PALLD: variants seen among roughly 807,000 people sequenced by gnomAD.
The protein encoded by PALLD is palladin, cytoskeletal associated protein.
A neutral mutation model predicts 123.5 loss-of-function variants in PALLD; 61 were observed. The ratio of observed to expected loss-of-function variants is 0.49; its 90% confidence interval spans 0.40 to 0.61. PALLD has a LOEUF of 0.61. PALLD is among the 20% of genes least tolerant of loss of function. The probability of loss-of-function intolerance (pLI) is 0.00; values close to 1 mark genes in which losing one functional copy is unlikely to be tolerated. For missense variants in PALLD, 1,273 were observed against 1,377.0 expected (o/e 0.92, Z 1.20); for synonymous variants, 465 against 496.4 (o/e 0.94, Z 0.84).
chr4:168,541,663 G>T (rs1729043896), intron 2 of PALLD, among the ~76,000 whole-genome samples: 1 of 151,976 alleles, frequency 6.6e-6, no homozygotes. Flanking sequence ...ATGTTGGCCA[G>T]GCTAGTCGCA....
At chr4:168,537,345 C>T (rs1342955216) in intron 2 of PALLD, among the ~76,000 whole-genome samples, 1 of 152,160 alleles carries the variant, frequency 6.6e-6, no homozygotes, top group Non-Finnish European at 1.5e-5. Context: ...CTTTTGGTTA[C>T]ACAAACATAC....
intron 10 of PALLD, among the ~76,000 whole-genome samples, chr4:168,875,731 G>T (rs1323659401): frequency 6.6e-6 from 1 of 152,206 alleles, no homozygotes; most frequent in Non-Finnish European, 1.5e-5. Flanking sequence ...GCCCACTTGG[G>T]TTAGCAAACA....
At chr4:168,594,639 T>C (rs141830190) in intron 2 of PALLD, among the ~76,000 whole-genome samples, 1 of 152,242 alleles carries the variant, frequency 6.6e-6, no homozygotes, top group African/African-American at 2.4e-5. Context: ...GGTGCCCAAT[T>C]GGGATATATT....
chr4:168,760,387 C>T (rs1042377104), intron 10 of PALLD, among the ~76,000 whole-genome samples: 7 of 152,212 alleles, frequency 4.6e-5, no homozygotes, highest in South Asian at 2.1e-4. Flanking sequence ...CTTTTGGCTC[C>T]GGGCTCGGTG....
At chr4:168,624,398 C>T (rs1385384448) in intron 2 of PALLD, among the ~76,000 whole-genome samples, 1 of 151,964 alleles carries the variant, frequency 6.6e-6, no homozygotes, top group Admixed American at 6.6e-5. Flanking sequence ...ACCTGATCCA[C>T]CCCCCGCAAA....
intron 2 of PALLD, among the ~76,000 whole-genome samples, chr4:168,548,345 G>GAA (rs5863941): frequency 2.8e-5 from 4 of 141,472 alleles, no homozygotes; most frequent in Non-Finnish European, 4.7e-5. Context: ...TCTAACTCAG[G>GAA]AAAAAAAAAA....
chr4:168,649,213 G>T (rs1033879246), intron 2 of PALLD, among the ~76,000 whole-genome samples: 2 of 152,188 alleles, frequency 1.3e-5, no homozygotes, highest in Non-Finnish European at 2.9e-5. Flanking sequence ...CCTCCTATCT[G>T]CAGCAAGATG....
chr4:168,864,579 GT>G (rs1749993042), intron 10 of PALLD: 1 of 152,074 alleles, frequency 6.6e-6, no homozygotes, highest in Non-Finnish European at 1.5e-5. Flanking sequence ...TTTTTCCGTT[GT>G]TTAAATCTTA....
intron 10 of PALLD, among the ~76,000 whole-genome samples, chr4:168,758,331 A>G (rs1157659095): frequency 6.6e-6 from 1 of 152,180 alleles, no homozygotes; most frequent in Admixed American, 6.5e-5. Flanking sequence ...TGCTACCAGA[A>G]TGCTTTTCCC....
intron 2 of PALLD, among the ~76,000 whole-genome samples, chr4:168,548,973 A>G (rs1766451896): frequency 6.6e-6 from 1 of 152,092 alleles, no homozygotes; most frequent in Admixed American, 6.5e-5. Flanking sequence ...GTGAGCCATG[A>G]CTGTGCCACT....
chr4:168,867,497 T>C (rs546635825), intron 10 of PALLD, among the ~76,000 whole-genome samples: 1 of 152,324 alleles, frequency 6.6e-6, no homozygotes, highest in East Asian at 1.9e-4. Context: ...ATACTTTTTA[T>C]ATGCACATAG....
At chr4:168,582,820 T>A (rs150323442) in intron 2 of PALLD, among the ~76,000 whole-genome samples, 295 of 152,274 alleles carry the variant, frequency 1.9e-3, no homozygotes, top group African/African-American at 6.6e-3. Flanking sequence ...ATGAATTTGG[T>A]TTGCTGGTAT....
rs768895830 is a variant in PALLD at position 168,898,450 on chromosome 4, C to G, written c.2251-43C>G. On this transcript the variant is annotated intron_variant, in intron 13 of 21. Transcript: ENST00000505667. ...GGCAGGGAGAGACGTGACACTTTGT[C>G]AGAAGGGATTGAGTCTGCTAACTTA... 42 of 1,266,488 alleles carry G rather than the reference C, an allele frequency of 3.3e-5. No homozygotes were observed. In the Admixed American group the frequency reaches 7.1e-4, roughly 21 times the overall value. The allele number at this position is 1,266,488 out of a possible 1,614,324, so 78.5% of individuals were successfully genotyped here. A position where few individuals can be genotyped will look rare whatever the true frequency, so the allele number is the denominator to read the frequency against.
intron 10 of PALLD, among the ~76,000 whole-genome samples, chr4:168,741,605 G>T (rs1399424262): frequency 6.6e-6 from 1 of 152,124 alleles, no homozygotes; most frequent in African/African-American, 2.4e-5. Context: ...GATCACTTGA[G>T]TCCAGGAATT....
chr4:168,834,042 C>T (rs1197490426), intron 10 of PALLD, among the ~76,000 whole-genome samples: 1 of 150,542 alleles, frequency 6.6e-6, no homozygotes, highest in Non-Finnish European at 1.5e-5. Context: ...GATTCTTGTA[C>T]TTTGTCATTA....
rs934538776 is a variant in PALLD, at chr4:168,844,450, A to G, written c.1965-46472A>G. 2.6e-5 allele frequency: 4 copies of G among 152,244 alleles called. No homozygotes were observed. The highest frequency in any genetic ancestry group is 4.4e-5 in the Non-Finnish European group (3 of 68,042). 9.4% of individuals were successfully genotyped at this position (152,244 alleles called of 1,614,324 possible). A position where few individuals can be genotyped will look rare whatever the true frequency, so the allele number is the denominator to read the frequency against. On this transcript the variant is annotated intron_variant, in intron 10 of 21. Coordinates refer to ENST00000505667, the MANE Select transcript of PALLD (RefSeq NM_001166108.2). This position sits in a 1 kb window ranked among gnomAD's most constrained non-coding sequence, Gnocchi z 4.5. ...AGAAGAGAGAAGTGGGGAACCCCAC[A>G]AGCCTTGAGAATTTCAAGAATTTGT...
intron 10 of PALLD, among the ~76,000 whole-genome samples, chr4:168,791,914 A>G (rs1013261356): frequency 6.6e-6 from 1 of 152,140 alleles, no homozygotes; most frequent in South Asian, 2.1e-4. Flanking sequence ...AAAAAAGCAA[A>G]CAAACAAAAA....
chr4:168,923,635 T>C (rs548054625), intron 18 of PALLD, among the ~76,000 whole-genome samples: 3 of 152,300 alleles, frequency 2.0e-5, no homozygotes, highest in Non-Finnish European at 2.9e-5. Flanking sequence ...AAAGCTTTTT[T>C]ATAACCTTCA....
At chr4:168,711,466 T>C in intron 9 of PALLD, 115 bp from the exon 10 acceptor site, 1 of 807,310 alleles carries the variant, frequency 1.2e-6, no homozygotes, top group Non-Finnish European at 2.1e-6. Flanking sequence ...CACAATCACC[T>C]CTTCTTTAAC....
Sources: gnomAD v4.1 joint callset for allele counts (sites outside exome capture counted in the v4.1 genomes callset) on GRCh38, gnomAD v4.1.1 for gene constraint, Gnocchi (gnomAD v3.1) non-coding constraint, MANE v1.5 for transcripts, NCBI Gene and HGNC (gene_info 2026-07-23, HGNC 2026-07-21) for gene names.